EIF4G3: variants seen among roughly 807,000 people sequenced by gnomAD.
EIF4G3 encodes eIF-4-gamma 3.
Under a neutral mutation model 186.4 loss-of-function variants are expected in EIF4G3, and 34 were observed. That is an observed-to-expected ratio of 0.18 (90% confidence interval 0.14 to 0.24). The LOEUF is 0.24. EIF4G3 is among the 10% of genes least tolerant of loss of function. The pLI, the probability that EIF4G3 is intolerant of heterozygous loss-of-function variation, is 1.00. For synonymous variants in EIF4G3, 673 were observed against 679.5 expected (o/e 0.99, Z 0.15); for missense variants, 1,536 against 1,948.5 (o/e 0.79, Z 3.99).
chr1:20,884,742 A>C (rs11805363), intron 19 of EIF4G3, among the ~76,000 whole-genome samples: 1 of 152,102 alleles, frequency 6.6e-6, no homozygotes, highest in Admixed American at 6.5e-5. Context: ...GTTTGACAGC[A>C]TGGCTAGTTG....
intron 4 of EIF4G3, among the ~76,000 whole-genome samples, chr1:21,046,768 T>A (rs952553565): frequency 5.3e-5 from 8 of 152,156 alleles, no homozygotes; most frequent in African/African-American, 1.4e-4. Flanking sequence ...CCTACTTTTA[T>A]CCGAACATCA....
intron 2 of EIF4G3, among the ~76,000 whole-genome samples, chr1:21,126,074 G>C (rs2097036256): frequency 6.6e-6 from 1 of 151,642 alleles, no homozygotes. Context: ...CGTGGTGGTG[G>C]CACATACCTG....
intron 4 of EIF4G3, among the ~76,000 whole-genome samples, chr1:21,028,778 C>T (rs1464774341): frequency 6.6e-6 from 1 of 152,160 alleles, no homozygotes; most frequent in African/African-American, 2.4e-5. Context: ...GAAGTAAGCA[C>T]AGTTCAGGAT....
chr1:20,984,173 T>C (rs1365506120), intron 7 of EIF4G3, among the ~76,000 whole-genome samples: 1 of 152,116 alleles, frequency 6.6e-6, no homozygotes, highest in Non-Finnish European at 1.5e-5. Context: ...TTTTTTTTTC[T>C]TTTGTCGGGG....
downstream of EIF4G3, chr1:20,806,455 C>T (rs961824501): frequency 1.3e-5 from 2 of 152,620 alleles, no homozygotes; most frequent in African/African-American, 4.8e-5. Context: ...AGCAGCTGTC[C>T]AAAGGAGAAG....
intron 14 of EIF4G3, among the ~76,000 whole-genome samples, chr1:20,924,556 T>C (rs558901810): frequency 2.0e-5 from 3 of 152,218 alleles, no homozygotes; most frequent in Non-Finnish European, 2.9e-5. Flanking sequence ...CATGAGAGAA[T>C]TGTTCTTTTT....
At chr1:20,977,021 GT>G (rs1455020799) in intron 10 of EIF4G3, among the ~76,000 whole-genome samples, 1 of 150,606 alleles carries the variant, frequency 6.6e-6, no homozygotes, top group South Asian at 2.1e-4. Context: ...TAACCAGGAA[GT>G]TTTATTATTT....
At chr1:20,915,027 A>G (rs1293692216) in intron 14 of EIF4G3, among the ~76,000 whole-genome samples, 2 of 152,108 alleles carry the variant, frequency 1.3e-5, no homozygotes, top group Admixed American at 1.3e-4. Flanking sequence ...CCTTATCTCT[A>G]CTTTTTGAAT....
At chr1:20,944,967 T>C (rs1476834889) in intron 13 of EIF4G3, among the ~76,000 whole-genome samples, 2 of 152,150 alleles carry the variant, frequency 1.3e-5, no homozygotes, top group Admixed American at 6.5e-5. Flanking sequence ...ATCGCACCAC[T>C]GTACTTCAGC....
chr1:20,950,170 C>T (rs1046474797), intron 12 of EIF4G3, 59 bp from the exon 13 acceptor site: 103 of 1,302,320 alleles, frequency 7.9e-5, no homozygotes, highest in Non-Finnish European at 1.0e-4. Context: ...AAACTAGCAA[C>T]ATGGAACCCA....
intron 4 of EIF4G3, among the ~76,000 whole-genome samples, chr1:21,044,253 G>A (rs1366018194): frequency 6.6e-6 from 1 of 151,914 alleles, no homozygotes; most frequent in East Asian, 1.9e-4. Flanking sequence ...AACAAATATT[G>A]TCATTAAACA....
intron 2 of EIF4G3, among the ~76,000 whole-genome samples, chr1:21,147,868 T>A (rs1482156943): frequency 6.6e-6 from 1 of 152,168 alleles, no homozygotes; most frequent in Non-Finnish European, 1.5e-5. Flanking sequence ...TGAAAATATG[T>A]ACATGTATTA....
intron 2 of EIF4G3, among the ~76,000 whole-genome samples, chr1:21,091,820 T>G (rs1299615729): frequency 1.3e-5 from 2 of 152,204 alleles, no homozygotes; most frequent in Non-Finnish European, 2.9e-5. Flanking sequence ...TAAGAATGCT[T>G]GTGATTTTTG....
At chr1:21,048,681 A>G (rs1422651440) in intron 4 of EIF4G3, among the ~76,000 whole-genome samples, 1 of 152,110 alleles carries the variant, frequency 6.6e-6, no homozygotes, top group Non-Finnish European at 1.5e-5. Context: ...CCCTGCGAAC[A>G]GCTTTCCCTC....
At chr1:20,942,618 G>A (rs1345160991) in intron 13 of EIF4G3, among the ~76,000 whole-genome samples, 1 of 152,104 alleles carries the variant, frequency 6.6e-6, no homozygotes, top group Admixed American at 6.5e-5. Flanking sequence ...CAAAACTGAG[G>A]CTAAACCATT....
At chr1:20,937,886 G>A (rs950028664) in intron 14 of EIF4G3, among the ~76,000 whole-genome samples, 4 of 152,080 alleles carry the variant, frequency 2.6e-5, no homozygotes, top group African/African-American at 7.2e-5. Context: ...CTAAAGTGAC[G>A]GTGATATTAA....
In EIF4G3 at chr1:21,027,003, G is replaced by C. The variant is rs1232832430; in HGVS notation, c.-67+23863C>G. 2.1e-5 allele frequency among the ~76,000 whole-genome samples: 3 copies of C among 145,340 alleles called. No homozygotes were observed. The East Asian group carries it at 6.1e-4, about 29-fold the overall frequency. ...ACTCCTAAAACTCAATCACAAAAAA[G>C]CAAACAATCAGATTCAGAAATGGGC... On this transcript the variant is annotated intron_variant, in intron 4 of 36. Transcript: ENST00000602326.
At position 21,176,776 on chromosome 1, in the gene EIF4G3, C is replaced by T. The variant is rs1457519155; in HGVS notation, c.-510G>A. 7.1e-6 allele frequency: 5 copies of T among 700,388 alleles called. No homozygotes were observed. Among genetic ancestry groups the T allele is most frequent in the Admixed American group, 4.0e-5 (2 of 49,750 alleles). 43.4% of individuals were successfully genotyped at this position (700,388 alleles called of 1,614,324 possible). A position where few individuals can be genotyped will look rare whatever the true frequency, so the allele number is the denominator to read the frequency against. ...GGCGGGGGATCTTTATCCCCCTCCC[C>T]GGAGGAAGCGGCGCCCTTCTCGGTA... On this transcript the variant is annotated 5_prime_UTR_variant, in exon 1 of 37. Transcript: ENST00000602326.
At chr1:21,150,343 T>C (rs2097530141) in intron 2 of EIF4G3, among the ~76,000 whole-genome samples, 1 of 152,220 alleles carries the variant, frequency 6.6e-6, no homozygotes, top group South Asian at 2.1e-4. Context: ...TGCCATGTCA[T>C]TTAAAATAAG....
Sources: gnomAD v4.1 joint callset for allele counts (sites outside exome capture counted in the v4.1 genomes callset) on GRCh38, gnomAD v4.1.1 for gene constraint, MANE v1.5 for transcripts, NCBI Gene and HGNC (gene_info 2026-07-23, HGNC 2026-07-21) for gene names.